MEGF9: variants seen among roughly 807,000 people sequenced by gnomAD.
MEGF9 encodes the protein multiple epidermal growth factor-like domains protein 9.
A neutral mutation model predicts 46.8 loss-of-function variants in MEGF9; 6 were observed. That is an observed-to-expected ratio of 0.13 (90% CI 0.07 to 0.25). MEGF9 has a LOEUF of 0.25. MEGF9 is among the 10% of genes least tolerant of loss of function. MEGF9 has a pLI of 1.00. For missense variants in MEGF9, 683 were observed against 792.4 expected (o/e 0.86, Z 1.66); for synonymous variants, 302 against 330.7 (o/e 0.91, Z 0.94).
chr9:120,624,740 G>A (rs1364232658), intron 2 of MEGF9, among the ~76,000 whole-genome samples: 4 of 152,058 alleles, frequency 2.6e-5, no homozygotes, highest in Non-Finnish European at 5.9e-5. Context: ...CAGAGTGGTG[G>A]TGTGTGCCTG....
At chr9:120,627,551 C>A (rs530206871) in intron 2 of MEGF9, among the ~76,000 whole-genome samples, 1 of 152,320 alleles carries the variant, frequency 6.6e-6, no homozygotes, top group African/African-American at 2.4e-5. Flanking sequence ...CAACCTCCGC[C>A]TCCTGGGTTC....
intron 1 of MEGF9, 82 bp from the exon 2 acceptor site, chr9:120,659,657 T>C (rs1011358129): frequency 8.6e-7 from 1 of 1,161,344 alleles, no homozygotes; most frequent in African/African-American, 1.6e-5. Context: ...TTATTTTTCT[T>C]AATAAATTTT....
intron 1 of MEGF9, among the ~76,000 whole-genome samples, chr9:120,690,376 T>C (rs945694607): frequency 2.0e-5 from 3 of 152,108 alleles, no homozygotes; most frequent in Non-Finnish European, 4.4e-5. Flanking sequence ...AGTGTGTGTG[T>C]GTGTATATAT....
Position 120,714,328 on chromosome 9 carries a change from T to C in MEGF9, c.31A>G (p.Ser11Gly). The change falls in exon 1 of 6, where the codon AGC becomes GGC. Residue 11 changes from serine to glycine, a missense_variant. Physicochemically the swap from Ser to Gly is moderately conservative, Grantham distance 56. This residue lies in a region of MEGF9 where 370 missense variants were observed against 371.3 expected (regional missense o/e 1.00). Coordinates refer to ENST00000373930, the MANE Select transcript of MEGF9 (RefSeq NM_001080497.3). Reference protein sequence around the residue: MNGGAERAMRSLPSLGGLALL... With the variant: MNGGAERAMRGLPSLGGLALL... ...GCGAGGCCGCCCAGGCTCGGCAGGC[T>C]CCTCATGGCGCGCTCGGCTCCGCCA... 3 of 1,337,044 alleles carry C rather than the reference T, an allele frequency of 2.2e-6. No individual in the cohort carries two copies. Among genetic ancestry groups the C allele is most frequent in the South Asian group, 1.8e-5 (1 of 56,610 alleles). The allele number at this position is 1,337,044 out of a possible 1,614,324, so 82.8% of individuals were successfully genotyped here.
intron 1 of MEGF9, among the ~76,000 whole-genome samples, chr9:120,684,836 T>C (rs1176196966): frequency 6.6e-6 from 1 of 151,680 alleles, no homozygotes; most frequent in African/African-American, 2.4e-5. Flanking sequence ...TTCATTTTTT[T>C]TTCTTTTTTT....
intron 2 of MEGF9, among the ~76,000 whole-genome samples, chr9:120,628,465 GTTGTT>G (rs2043535713): frequency 3.8e-5 from 2 of 52,756 alleles, no homozygotes; most frequent in African/African-American, 1.1e-4. Context: ...AATTCTTGTC[GTTGTT>G]TTTTTTTTTT....
At chr9:120,694,062 A>G (rs972067277) in intron 1 of MEGF9, among the ~76,000 whole-genome samples, 7 of 152,214 alleles carry the variant, frequency 4.6e-5, no homozygotes, top group Non-Finnish European at 1.0e-4. Context: ...CAGATATATG[A>G]TATGGACAGT....
At chr9:120,683,419 G>C (rs1398517416) in intron 1 of MEGF9, among the ~76,000 whole-genome samples, 5 of 152,176 alleles carry the variant, frequency 3.3e-5, no homozygotes, top group African/African-American at 1.2e-4. Context: ...GAGGTGATTG[G>C]ATCACAGGGG....
At chr9:120,697,125 C>T (rs1312736760) in intron 1 of MEGF9, among the ~76,000 whole-genome samples, 1 of 152,212 alleles carries the variant, frequency 6.6e-6, no homozygotes, top group East Asian at 1.9e-4. Flanking sequence ...CTCTGTCGCC[C>T]AGGCTGGAGT....
chr9:120,699,129 T>C (rs2043891508), intron 1 of MEGF9, among the ~76,000 whole-genome samples: 2 of 152,200 alleles, frequency 1.3e-5, no homozygotes, highest in East Asian at 1.9e-4. Context: ...TAGATCAAAA[T>C]AGATTTACTT....
chr9:120,628,412 A>C (rs2043535157), intron 2 of MEGF9, among the ~76,000 whole-genome samples: 1 of 149,828 alleles, frequency 6.7e-6, no homozygotes, highest in African/African-American at 2.4e-5. Flanking sequence ...TTTGAGGGCA[A>C]ATAGTCTAAA....
chr9:120,610,736 CT>C (rs1241917092), intron 4 of MEGF9, among the ~76,000 whole-genome samples: 1 of 152,060 alleles, frequency 6.6e-6, no homozygotes, highest in Non-Finnish European at 1.5e-5. Context: ...GGATAATTTC[CT>C]ACTGGGAGGT....
intron 1 of MEGF9, among the ~76,000 whole-genome samples, chr9:120,668,682 AATG>A (rs2132327015): frequency 6.6e-6 from 1 of 152,374 alleles, no homozygotes; most frequent in South Asian, 2.1e-4. Flanking sequence ...TACTAATAAC[AATG>A]ATGATATTAC....
At chr9:120,615,304 C>T (rs977482336) in intron 3 of MEGF9, among the ~76,000 whole-genome samples, 5 of 147,526 alleles carry the variant, frequency 3.4e-5, no homozygotes, top group African/African-American at 1.3e-4. Flanking sequence ...TGTGTACACA[C>T]ACACACACAT....
chr9:120,695,285 T>C (rs1482685044), intron 1 of MEGF9, among the ~76,000 whole-genome samples: 1 of 152,054 alleles, frequency 6.6e-6, no homozygotes, highest in Non-Finnish European at 1.5e-5. Context: ...AGACAAGTAA[T>C]ACTTAAAATA....
chr9:120,656,190 A>T (rs1271771347), intron 2 of MEGF9, among the ~76,000 whole-genome samples: 1 of 152,174 alleles, frequency 6.6e-6, no homozygotes, highest in Non-Finnish European at 1.5e-5. Context: ...TACCCTTTAA[A>T]CATCAAAATT....
chr9:120,664,194 C>T (rs557728222), intron 1 of MEGF9, among the ~76,000 whole-genome samples: 35 of 152,034 alleles, frequency 2.3e-4, no homozygotes, highest in Non-Finnish European at 4.6e-4. Context: ...CTTTTCTAGG[C>T]CTTTAATATA....
intron 3 of MEGF9, among the ~76,000 whole-genome samples, chr9:120,619,714 C>T (rs1277169984): frequency 6.6e-6 from 1 of 152,230 alleles, no homozygotes; most frequent in East Asian, 1.9e-4. Flanking sequence ...AGAATTCTTT[C>T]CTTAGAATAG....
chr9:120,658,623 G>C (rs898713961), intron 2 of MEGF9, among the ~76,000 whole-genome samples: 1 of 152,160 alleles, frequency 6.6e-6, no homozygotes, highest in Admixed American at 6.5e-5. Context: ...TTATACCCAG[G>C]TTACACTGAG....
Sources: gnomAD v4.1 joint callset for allele counts (sites outside exome capture counted in the v4.1 genomes callset) on GRCh38, gnomAD v4.1.1 for gene constraint, gnomAD v4.1.1 regional missense constraint, MANE v1.5 for transcripts, NCBI Gene and HGNC (gene_info 2026-07-23, HGNC 2026-07-21) for gene names.